The following SNPH variants were observed in gnomAD, a reference collection of about 807,000 sequenced individuals.
The protein encoded by SNPH is syntaphilin.
SNPH carries 10 observed loss-of-function variants against 36.8 expected under a neutral mutation model. That is an observed-to-expected ratio of 0.27 (90% confidence interval 0.17 to 0.46). The LOEUF is 0.46. Among genes scored for constraint, SNPH ranks in the 20% least tolerant of loss-of-function variants. The probability of loss-of-function intolerance (pLI) is 1.00; values close to 1 mark genes in which losing one functional copy is unlikely to be tolerated. For synonymous variants in SNPH, 281 were observed against 312.2 expected, an observed-to-expected ratio of 0.90 and a Z score of 1.05; for missense variants, 622 against 744.0, an observed-to-expected ratio of 0.84 and a Z score of 1.91.
At chr20:1,289,396 G>C (rs925864467) in intron 2 of SNPH, among the ~76,000 whole-genome samples, 33 of 152,068 alleles carry the variant, frequency 2.2e-4, no homozygotes, top group African/African-American at 3.1e-4. Context: ...GTCAGGTAGA[G>C]GGGGGGCACT....
chr20:1,277,891 CTG>C (rs202074204), intron 2 of SNPH, among the ~76,000 whole-genome samples: 2 of 127,514 alleles, frequency 1.6e-5, no homozygotes, highest in African/African-American at 6.2e-5. Flanking sequence ...GCCGATGTGT[CTG>C]TGTATGTATC....
Position 1,296,436 on chromosome 20 carries a change from C to T in SNPH, c.182+15C>T, listed in dbSNP as rs149150291. 729 of 1,584,402 alleles carry T rather than the reference C, an allele frequency of 4.6e-4. 2 individuals are homozygous for T. In the African/African-American group the frequency reaches 9.1e-3, roughly 20 times the overall value. The stretch of plus-strand genomic sequence containing the variant: ...GGATCACGCAGGTGAGTCTCCCCCT[C>T]GCTCACAGCCTAGGCTTCGGAGGGC... On this transcript the variant is annotated intron_variant, in intron 4 of 6. Coordinates refer to ENST00000381867, the MANE Select transcript of SNPH (RefSeq NM_001318234.2).
rs752196640 is a variant in SNPH at position 1,296,237 on chromosome 20, GC to G, written c.-1del. The G allele has an allele frequency of 2.0e-6, 3 of 1,515,974 alleles. No individual in the cohort carries two copies. In the East Asian group the frequency reaches 8.0e-5, roughly 40 times the overall value. The allele number at this position is 1,515,974 out of a possible 1,614,324, so 93.9% of individuals were successfully genotyped here. Reference sequence around the variant, plus strand: ...GTCCTGCCGAAGGGTGAGAAGAGAAGCCATGCCGGGCAGCGGCCCCAGCGAG... The same window carrying G: ...GTCCTGCCGAAGGGTGAGAAGAGAAGCATGCCGGGCAGCGGCCCCAGCGAG... On this transcript the variant is annotated 5_prime_UTR_variant, in exon 4 of 7. Transcript: ENST00000381867.
At chr20:1,277,805 GTGTC>G (rs1348984979) in intron 2 of SNPH, among the ~76,000 whole-genome samples, 5 of 136,830 alleles carry the variant, frequency 3.7e-5, no homozygotes, top group Admixed American at 1.4e-4. Flanking sequence ...GTGCCTGTGT[GTGTC>G]TGTGCCTGTG....
In SNPH at chr20:1,304,761, G is replaced by A. The variant is rs2088545145; in HGVS notation, c.441-117G>A. ...TTTGTCCTTCTGTTTTGGGTTCTGA[G>A]CCACAGCAGCACAGGGCCCTTCATC... On this transcript the variant is annotated intron_variant, in intron 6 of 6. Transcript: ENST00000381867. The surrounding 1 kb of genome is among the most constrained non-coding windows in gnomAD (Gnocchi z 4.3). The A allele has an allele frequency of 4.2e-6, 4 of 943,384 alleles. No individual in the cohort carries two copies. The highest frequency in any genetic ancestry group is 6.4e-6 in the Non-Finnish European group (4 of 622,854). 58.4% of individuals were successfully genotyped at this position (943,384 alleles called of 1,614,324 possible).
In SNPH at chr20:1,272,878, G is replaced by GA. The variant is rs1420922398; in HGVS notation, c.-493+6119dup. On this transcript the variant is annotated intron_variant, in intron 2 of 6. Transcript: ENST00000381867. ...GCACTGTCAGGATTGAGTCTCTGGG[G>GA]ACTGAGGCCTCCAGATACCTCTGTA... Among the ~76,000 whole-genome samples the GA allele has an allele frequency of 2.6e-5, 4 of 152,348 alleles. No homozygotes were observed. In the East Asian group the frequency reaches 7.7e-4, roughly 29 times the overall value.
Position 1,266,334 on chromosome 20 carries a change from A to G in SNPH, c.-663A>G. ...GAGCACCCAGCTAGCCGCCTCCTGCAGGGGCTCGGGAGAGCAATTCGGCGG... is the reference window on the plus strand; with the variant it reads ...GAGCACCCAGCTAGCCGCCTCCTGCGGGGGCTCGGGAGAGCAATTCGGCGG... On this transcript the variant is annotated 5_prime_UTR_variant, in exon 1 of 7. Transcript: ENST00000381867. This position sits in a 1 kb window ranked among gnomAD's most constrained non-coding sequence, Gnocchi z 6.0. 5.1e-6 allele frequency: 1 copy of G among 196,560 alleles called. No individual in the cohort carries two copies. The highest frequency in any genetic ancestry group is 1.2e-4 in the East Asian group (1 of 8,016). The allele number at this position is 196,560 out of a possible 1,614,324, so 12.2% of individuals were successfully genotyped here.
chr20:1,281,894 T>C (rs1239483473), intron 2 of SNPH, among the ~76,000 whole-genome samples: 2 of 152,256 alleles, frequency 1.3e-5, no homozygotes, highest in Non-Finnish European at 2.9e-5. Flanking sequence ...AGGCTTGCTT[T>C]CAATCTGGGA....
intron 2 of SNPH, among the ~76,000 whole-genome samples, chr20:1,286,466 C>CT (rs2088285395): frequency 6.6e-6 from 1 of 152,170 alleles, no homozygotes; most frequent in East Asian, 1.9e-4. Context: ...AGATAGGCTC[C>CT]TGGGCTAAAA....
intron 2 of SNPH, among the ~76,000 whole-genome samples, chr20:1,283,648 CTT>C (rs1295551648): frequency 2.6e-5 from 4 of 152,176 alleles, no homozygotes; most frequent in Non-Finnish European, 4.4e-5. Flanking sequence ...ACATGCAGGT[CTT>C]TAAGCATGAT....
intron 2 of SNPH, among the ~76,000 whole-genome samples, chr20:1,268,363 C>G (rs2088032877): frequency 6.6e-6 from 1 of 152,190 alleles, no homozygotes; most frequent in Non-Finnish European, 1.5e-5. Context: ...CACTGTGGCT[C>G]TCTTGCCCTC....
chr20:1,306,328 G>A lies in SNPH; in HGVS notation c.*274G>A, dbSNP rs770743384. 1.1e-5 allele frequency: 4 copies of A among 371,676 alleles called. No individual in the cohort carries two copies. The highest frequency in any genetic ancestry group is 4.5e-5 in the East Asian group (1 of 22,194). The allele number at this position is 371,676 out of a possible 1,614,324, so 23.0% of individuals were successfully genotyped here. A position where few individuals can be genotyped will look rare whatever the true frequency, so the allele number is the denominator to read the frequency against. On this transcript the variant is annotated 3_prime_UTR_variant, in exon 7 of 7. Coordinates refer to ENST00000381867, the MANE Select transcript of SNPH (RefSeq NM_001318234.2). ...GAGGGGAGGGAGCGAGGGCCAACCC[G>A]GCCCCTCTGTCCCCTTGGCTCTTCA... is the stretch of plus-strand genomic sequence containing the variant.
chr20:1,277,809 CTGTGCCTGT>C (rs2088160475), intron 2 of SNPH, among the ~76,000 whole-genome samples: 1 of 102,330 alleles, frequency 9.8e-6, no homozygotes, highest in African/African-American at 3.8e-5. Flanking sequence ...CTGTGTGTGT[CTGTGCCTGT>C]GTGTCTGTGT....
At position 1,306,006 on chromosome 20, in the gene SNPH, G is replaced by T; in HGVS notation, c.1569G>T (p.Ser523=). 2.0e-6 allele frequency: 3 copies of T among 1,525,032 alleles called. No homozygotes were observed. The highest frequency in any genetic ancestry group is 2.6e-6 in the Non-Finnish European group (3 of 1,136,934). The allele number at this position is 1,525,032 out of a possible 1,614,324, so 94.5% of individuals were successfully genotyped here. A position where few individuals can be genotyped will look rare whatever the true frequency, so the allele number is the denominator to read the frequency against. The change falls in exon 7 of 7, where the codon TCG becomes TCT. Residue 523 remains serine, a synonymous_variant. Transcript: ENST00000381867. Reference sequence around the variant, plus strand: ...CCATCCGCAGGATCAGCTGCCGCTCGCTGAGCCAGCCGAGTCCCAGCCCAG... The same window carrying T: ...CCATCCGCAGGATCAGCTGCCGCTCTCTGAGCCAGCCGAGTCCCAGCCCAG... ...LHSIRRISCR[S]LSQPSPSPAG...
chr20:1,283,358 A>G (rs2088248452), intron 2 of SNPH, among the ~76,000 whole-genome samples: 1 of 152,120 alleles, frequency 6.6e-6, no homozygotes, highest in South Asian at 2.1e-4. Flanking sequence ...CTGACCTCAG[A>G]TCTTCTACCT....
intron 2 of SNPH, among the ~76,000 whole-genome samples, chr20:1,282,005 C>T (rs1217152427): frequency 3.9e-5 from 6 of 152,296 alleles, no homozygotes; most frequent in South Asian, 2.1e-4. Flanking sequence ...GCCACAGGGC[C>T]GGAGAGACAT....
intron 2 of SNPH, among the ~76,000 whole-genome samples, chr20:1,280,707 A>T (rs2122293204): frequency 6.6e-6 from 1 of 152,256 alleles, no homozygotes; most frequent in Non-Finnish European, 1.5e-5. Flanking sequence ...AGAGAGTGAG[A>T]GGATGGAGCT....
At position 1,295,812 on chromosome 20, in the gene SNPH, G is replaced by A. The variant is rs560300076; in HGVS notation, c.-428G>A. ...CGAACCACGGGCCAACTGGGAAGTT[G>A]ATGGTCGGCGAGACCAGCCCATCCT... On this transcript the variant is annotated 5_prime_UTR_variant, in exon 4 of 7. Coordinates refer to ENST00000381867, the MANE Select transcript of SNPH (RefSeq NM_001318234.2). The A allele has an allele frequency of 2.2e-4, 38 of 170,144 alleles. No homozygotes were observed. The South Asian group carries it at 7.0e-3, about 31-fold the overall frequency. The allele number at this position is 170,144 out of a possible 1,614,324, so 10.5% of individuals were successfully genotyped here.
rs552080228 is a variant in SNPH, at chr20:1,272,083, A to G, written c.-493+5323A>G. Among the ~76,000 whole-genome samples, 3 of 152,364 alleles carry G rather than the reference A, an allele frequency of 2.0e-5. No homozygotes were observed. In the South Asian group the frequency reaches 6.2e-4, roughly 32 times the overall value. ...TTCCCCCAAGTAAGAAGGCCATGTTATCAGGGGGAAAATGGTATTCCTTCA... is the reference window on the plus strand; with the variant it reads ...TTCCCCCAAGTAAGAAGGCCATGTTGTCAGGGGGAAAATGGTATTCCTTCA... On this transcript the variant is annotated intron_variant, in intron 2 of 6. Coordinates refer to ENST00000381867, the MANE Select transcript of SNPH (RefSeq NM_001318234.2).
Sources: allele counts gnomAD v4.1 joint callset (sites outside exome capture counted in the v4.1 genomes callset), GRCh38; gene constraint gnomAD v4.1.1; non-coding constraint Gnocchi (gnomAD v3.1); transcripts MANE v1.5; gene names NCBI Gene and HGNC (gene_info 2026-07-23, HGNC 2026-07-21).